The following CCDC93 variants were observed in gnomAD, a reference collection of about 807,000 sequenced individuals.
CCDC93 encodes the protein CCC complex scaffolding subunit CCDC93.
In CCDC93, 61 loss-of-function variants were observed where a neutral mutation model predicts 108.2. The ratio of observed to expected loss-of-function variants is 0.56; its 90% CI spans 0.46 to 0.70. The LOEUF is 0.70. Ranked by LOEUF, CCDC93 falls within the 30% of genes least tolerant of loss-of-function variation. The pLI is 0.00. For synonymous variants in CCDC93, 276 were observed against 260.4 expected, an observed-to-expected ratio of 1.06 and a Z score of -0.58; for missense variants, 685 against 764.2, an observed-to-expected ratio of 0.90 and a Z score of 1.22.
intron 22 of CCDC93, 83 bp downstream of exon 22, chr2:117,935,412 C>A: frequency 1.0e-6 from 1 of 977,234 alleles, no homozygotes; most frequent in Non-Finnish European, 1.6e-6. Context: ...TCCCCAACTA[C>A]CAGAAGAGGC....
chr2:117,960,293 A>G (rs913286583), intron 11 of CCDC93, among the ~76,000 whole-genome samples: 2 of 152,198 alleles, frequency 1.3e-5, no homozygotes, highest in African/African-American at 2.4e-5. Context: ...ATTATGCTTC[A>G]GTATCCTGAC....
intron 11 of CCDC93, among the ~76,000 whole-genome samples, chr2:117,965,312 A>G (rs1000513888): frequency 6.6e-6 from 1 of 152,146 alleles, no homozygotes; most frequent in Non-Finnish European, 1.5e-5. Context: ...GCAGGATGAT[A>G]GGATTGGAAA....
At chr2:117,944,877 CT>C in intron 17 of CCDC93, 1 of 462,586 alleles carries the variant, frequency 2.2e-6, no homozygotes, top group Non-Finnish European at 4.5e-6. Flanking sequence ...TTTTCCTTTC[CT>C]CCACTTCCTT....
At chr2:117,970,740 C>A (rs1257686493) in intron 11 of CCDC93, among the ~76,000 whole-genome samples, 2 of 152,134 alleles carry the variant, frequency 1.3e-5, no homozygotes, top group Non-Finnish European at 2.9e-5. Flanking sequence ...TTACACAGAA[C>A]CATCTTCGAT....
rs569139305 is a variant in CCDC93 at position 118,013,740 on chromosome 2, A to T, written c.42+214T>A. On this transcript the variant is annotated intron_variant, in intron 1 of 23. Coordinates refer to ENST00000376300, the MANE Select transcript of CCDC93 (RefSeq NM_019044.5). The stretch of plus-strand genomic sequence containing the variant: ...GCCCCAAGAGACCCGGGAGCGGCTT[A>T]AGTTTGTCCTCACCCGCCCGCCGCC... Among the ~76,000 whole-genome samples the T allele has an allele frequency of 1.2e-3, 179 of 152,184 alleles. 1 individual carries two copies. The highest frequency in any genetic ancestry group is 4.1e-3 in the African/African-American group (171 of 41,536).
chr2:117,924,546 G>C (rs1029053235), intron 23 of CCDC93, among the ~76,000 whole-genome samples: 3 of 152,144 alleles, frequency 2.0e-5, no homozygotes, highest in South Asian at 2.1e-4. Context: ...AAGATCAAAT[G>C]AATAAAATCA....
intron 16 of CCDC93, 94 bp from the exon 17 acceptor site, chr2:117,945,676 G>A: frequency 1.0e-6 from 1 of 984,350 alleles, no homozygotes; most frequent in South Asian, 1.3e-5. Context: ...CCAGGCAGGG[G>A]CATAAGGGTG....
At chr2:117,926,814 C>CAAAA (rs558657634) in intron 23 of CCDC93, among the ~76,000 whole-genome samples, 1 of 151,782 alleles carries the variant, frequency 6.6e-6, no homozygotes, top group African/African-American at 2.4e-5. Flanking sequence ...GAGACACAAC[C>CAAAA]AAAAAAGAGA....
chr2:117,948,159 T>G lies in CCDC93; in HGVS notation c.1170A>C (p.Val390=). Reference sequence around the variant, plus strand: ...GACTTTTCAGATTTTCATTCATGGCTACAAGTGCTCTCAGGTTCTGTAGGA... The same window carrying G: ...GACTTTTCAGATTTTCATTCATGGCGACAAGTGCTCTCAGGTTCTGTAGGA... ...PSILQNLRAL[V]AMNENLKSQE... Residue 390 remains valine (V), a synonymous_variant, in exon 15 of 24, where the codon GTA becomes GTC. Transcript: ENST00000376300. The G allele has an allele frequency of 2.5e-6, 4 of 1,613,760 alleles. No individual in the cohort carries two copies. The highest frequency in any genetic ancestry group is 3.4e-6 in the Non-Finnish European group (4 of 1,179,664).
intron 20 of CCDC93, among the ~76,000 whole-genome samples, chr2:117,937,715 T>C (rs1678568311): frequency 6.6e-6 from 1 of 152,208 alleles, no homozygotes; most frequent in Non-Finnish European, 1.5e-5. Context: ...GGCAAATCTT[T>C]CCTTTGCCAG....
At chr2:117,952,250 C>T (rs1426152014) in intron 13 of CCDC93, 123 bp downstream of exon 13, 9 of 738,316 alleles carry the variant, frequency 1.2e-5, no homozygotes, top group Non-Finnish European at 2.0e-5. Flanking sequence ...ATGACTGCAG[C>T]CTCTGAGAAC....
At chr2:117,944,911 GT>G in intron 17 of CCDC93, 2 of 434,296 alleles carry the variant, frequency 4.6e-6, no homozygotes, top group East Asian at 1.4e-4. Context: ...CTTCTGGAGG[GT>G]TTTGGAATGC....
intron 7 of CCDC93, among the ~76,000 whole-genome samples, chr2:117,981,392 G>A (rs141096696): frequency 9.1e-4 from 139 of 152,248 alleles, no homozygotes; most frequent in East Asian, 3.9e-3. Context: ...CTACTGCCTC[G>A]CTTTCCTCTT....
rs1318162974 is a variant in CCDC93 at position 117,915,819 on chromosome 2, CATT to C, written c.*4521_*4523del. ...ATCTACACACTTTCTCCATTCCAAACATTAGGATACCATGGGCTTTTTTCCTCA... is the reference window on the plus strand; with the variant it reads ...ATCTACACACTTTCTCCATTCCAAACAGGATACCATGGGCTTTTTTCCTCA... On this transcript the variant is annotated 3_prime_UTR_variant, in exon 24 of 24. Coordinates refer to ENST00000376300, the MANE Select transcript of CCDC93 (RefSeq NM_019044.5). 6.6e-6 allele frequency: 1 copy of C among 152,034 alleles called. No homozygotes were observed. Among genetic ancestry groups the C allele is most frequent in the African/African-American group, 2.4e-5 (1 of 41,424 alleles). 9.4% of individuals were successfully genotyped at this position (152,034 alleles called of 1,614,324 possible).
At chr2:117,997,183 C>T (rs1680680932) in intron 4 of CCDC93, 1 of 152,208 alleles carries the variant, frequency 6.6e-6, no homozygotes, top group Non-Finnish European at 1.5e-5. Context: ...CTTCTCCCAA[C>T]TGAAAACTCC....
chr2:117,995,251 G>C, intron 6 of CCDC93, 195 bp downstream of exon 6: 2 of 590,028 alleles, frequency 3.4e-6, no homozygotes, highest in Non-Finnish European at 6.1e-6. Context: ...TAGTGTGGCA[G>C]GTTCTCCCTG....
chr2:117,944,043 T>C lies in CCDC93; in HGVS notation c.1394A>G (p.Tyr465Cys). The C allele has an allele frequency of 6.2e-7, 1 of 1,606,484 alleles. No homozygotes were observed. Among genetic ancestry groups the C allele is most frequent in the Non-Finnish European group, 8.5e-7 (1 of 1,177,042 alleles). The stretch of plus-strand genomic sequence containing the variant: ...ACTCACCTGTAGTAAACGTATCTTG[T>C]AAAGTTTCTCTTTCTCCATATTATA... ...RRYNMEKEKL[Y>C]KIRLLQARRN... Residue 465 changes from tyrosine to cysteine, a missense_variant, in exon 18 of 24, where the codon TAC becomes TGC. Physicochemically the swap from Tyr to Cys is radical, Grantham distance 194. Coordinates refer to ENST00000376300, the MANE Select transcript of CCDC93 (RefSeq NM_019044.5).
At chr2:117,977,915 C>T in intron 8 of CCDC93, 79 bp downstream of exon 8, 1 of 1,355,114 alleles carries the variant, frequency 7.4e-7, no homozygotes, top group Non-Finnish European at 1.1e-6. Context: ...TGCTGCCCGG[C>T]TTGTGAGTGT....
At chr2:117,991,296 G>A (rs771230608) in intron 6 of CCDC93, among the ~76,000 whole-genome samples, 6 of 152,182 alleles carry the variant, frequency 3.9e-5, no homozygotes, top group Non-Finnish European at 7.4e-5. Flanking sequence ...AGGAAATGAA[G>A]AGGTGGTAGG....
Sources: allele counts gnomAD v4.1 joint callset (sites outside exome capture counted in the v4.1 genomes callset), GRCh38; gene constraint gnomAD v4.1.1; transcripts MANE v1.5; gene names NCBI Gene and HGNC (gene_info 2026-07-23, HGNC 2026-07-21).